PCNT: variants seen among roughly 807,000 people sequenced by gnomAD.
PCNT encodes the protein kendrin.
PCNT carries 319 observed loss-of-function variants against 380.4 expected under a neutral mutation model. The ratio of observed to expected loss-of-function variants is 0.84; its 90% CI spans 0.77 to 0.92. PCNT has a LOEUF of 0.92. PCNT is among the 40% of genes least tolerant of loss of function. The pLI, the probability that PCNT is intolerant of heterozygous loss-of-function variation, is 0.00. For missense variants in PCNT, 4,400 were observed against 4,255.3 expected (o/e 1.03, Z -0.95); for synonymous variants, 1,845 against 1,735.2 (o/e 1.06, Z -1.57).
intron 13 of PCNT, 26 bp from the exon 14 acceptor site, chr21:46,363,454 C>A: frequency 6.3e-7 from 1 of 1,581,540 alleles, no homozygotes; most frequent in South Asian, 1.1e-5. Context: ...CGTCTTTCCT[C>A]CTAAATGAAA....
Position 46,355,693 on chromosome 21 carries a change from T to G in PCNT, c.1936+67T>G, listed in dbSNP as rs569335919. 6 of 1,533,144 alleles carry G rather than the reference T, an allele frequency of 3.9e-6. No homozygotes were observed. In the African/African-American group the frequency reaches 6.8e-5, roughly 17 times the overall value. The allele number at this position is 1,533,144 out of a possible 1,614,324, so 95.0% of individuals were successfully genotyped here. ...GTCTGGGGGACGTTCTCGGGGAGCC[T>G]GGGTGCCTGGGTTCGATCCAAGTCC... On this transcript the variant is annotated intron_variant, in intron 12 of 46. Coordinates refer to ENST00000359568, the MANE Select transcript of PCNT (RefSeq NM_006031.6).
intron 33 of PCNT, 134 bp downstream of exon 33, chr21:46,426,105 G>A: frequency 1.3e-6 from 1 of 790,330 alleles, no homozygotes; most frequent in East Asian, 2.8e-5. Flanking sequence ...TTGAGACTCG[G>A]CTCACTGCAA....
Position 46,351,548 on chromosome 21 carries a change from AT to A in PCNT, c.1456+10del. On this transcript the variant is annotated intron_variant, in intron 9 of 46. Transcript: ENST00000359568. ...GTAGACAGGAATTGAGTGGTGAGGA[AT>A]TGTATTGGAAAATTCAGATCCTCAA... The A allele has an allele frequency of 6.7e-7, 1 of 1,485,946 alleles. No homozygotes were observed. Among genetic ancestry groups the A allele is most frequent in the Non-Finnish European group, 9.4e-7 (1 of 1,063,228 alleles). The allele number at this position is 1,485,946 out of a possible 1,614,324, so 92.0% of individuals were successfully genotyped here.
intron 16 of PCNT, among the ~76,000 whole-genome samples, chr21:46,384,570 A>T (rs1282252141): frequency 7.2e-6 from 1 of 139,706 alleles, no homozygotes; most frequent in African/African-American, 2.7e-5. Flanking sequence ...GGTGTTGTGC[A>T]TTCAGTGGTG....
rs1244294420 is a variant in PCNT, at chr21:46,341,943, C to CTT, written c.640-4184_640-4183dup. ...ATGCTCCTGCTTTACATGCTTTTTACTTATTTTTTTTTTTTTGAGATGGAG... is the reference window on the plus strand; with the variant it reads ...ATGCTCCTGCTTTACATGCTTTTTACTTTTATTTTTTTTTTTTTGAGATGGAG... On this transcript the variant is annotated intron_variant, in intron 3 of 46. Transcript: ENST00000359568. Among the ~76,000 whole-genome samples the CTT allele has an allele frequency of 5.1e-5, 3 of 58,588 alleles. No homozygotes were observed. In the East Asian group the frequency reaches 1.6e-3, roughly 32 times the overall value. The allele number at this position is 58,588 out of a possible 152,430, so 38.4% of individuals were successfully genotyped here. A position where few individuals can be genotyped will look rare whatever the true frequency, so the allele number is the denominator to read the frequency against.
intron 21 of PCNT, among the ~76,000 whole-genome samples, chr21:46,392,558 C>T (rs1221054206): frequency 1.3e-5 from 2 of 152,224 alleles, no homozygotes; most frequent in Non-Finnish European, 2.9e-5. Context: ...TTGGGTTGGA[C>T]GCTTTTGGAC....
In PCNT at chr21:46,402,415, T is replaced by A. The variant is rs145305649; in HGVS notation, c.5047T>A (p.Leu1683Met). The A allele has an allele frequency of 3.1e-6, 5 of 1,613,740 alleles. No homozygotes were observed. Among genetic ancestry groups the A allele is most frequent in the Non-Finnish European group, 3.4e-6 (4 of 1,179,792 alleles). The change falls in exon 27 of 47, where the codon TTG becomes ATG. Residue 1683 changes from leucine to methionine, a missense_variant. Coordinates refer to ENST00000359568, the MANE Select transcript of PCNT (RefSeq NM_006031.6). ...AGAAATACTACATCTGAACTTAAAA[T>A]TGGACATGCAGAACAGCCAGACTGC... ...NEEILHLNLK[L>M]DMQNSQTAVS...
chr21:46,431,297 T>C, intron 37 of PCNT: 1 of 1,398,354 alleles, frequency 7.2e-7, no homozygotes, highest in Non-Finnish European at 9.3e-7. Flanking sequence ...GGAACATCTC[T>C]GAACCCAGGA....
At chr21:46,368,749 G>A (rs116492494) in intron 15 of PCNT, among the ~76,000 whole-genome samples, 186 of 152,368 alleles carry the variant, frequency 1.2e-3, no homozygotes, top group African/African-American at 4.4e-3. Context: ...CTGGCTGCAC[G>A]GTGGATGGGG....
chr21:46,381,978 G>A (rs1256877507), intron 16 of PCNT, 138 bp downstream of exon 16: 1 of 863,458 alleles, frequency 1.2e-6, no homozygotes, highest in African/African-American at 1.7e-5. Context: ...TTCAGTGGCG[G>A]AAGCGCATTC....
chr21:46,421,851 A>G (rs2087264585), intron 31 of PCNT, 119 bp from the exon 32 acceptor site: 1 of 1,089,894 alleles, frequency 9.2e-7, no homozygotes, highest in Non-Finnish European at 1.4e-6. Context: ...GAGCAGAATC[A>G]CGGTGTGGTT....
intron 3 of PCNT, among the ~76,000 whole-genome samples, chr21:46,345,679 A>T (rs2146534506): frequency 6.6e-6 from 1 of 152,330 alleles, no homozygotes; most frequent in East Asian, 1.9e-4. Context: ...CACCATCTCC[A>T]GTGGCTCCAG....
At chr21:46,344,892 G>A (rs2146523422) in intron 3 of PCNT, among the ~76,000 whole-genome samples, 1 of 152,340 alleles carries the variant, frequency 6.6e-6, no homozygotes, top group East Asian at 1.9e-4. Flanking sequence ...TGCCAAAATG[G>A]CTGCTGAGAA....
intron 15 of PCNT, among the ~76,000 whole-genome samples, chr21:46,368,111 T>A (rs1469738846): frequency 6.6e-6 from 1 of 152,026 alleles, no homozygotes; most frequent in Non-Finnish European, 1.5e-5. Context: ...GAGCTAAGAC[T>A]GTGCCACTGC....
intron 25 of PCNT, among the ~76,000 whole-genome samples, chr21:46,401,226 T>G (rs1395709054): frequency 6.6e-6 from 1 of 152,256 alleles, no homozygotes; most frequent in Non-Finnish European, 1.5e-5. Context: ...CCATCAGCCA[T>G]TGCCCTATTT....
At chr21:46,430,890 G>A (rs948868329) in intron 37 of PCNT, 4 of 984,948 alleles carry the variant, frequency 4.1e-6, no homozygotes, top group Non-Finnish European at 4.8e-6. Context: ...ACCCCTGCTC[G>A]GAGCCCCCCC....
chr21:46,372,837 C>T (rs747436960), intron 15 of PCNT, among the ~76,000 whole-genome samples: 2 of 152,172 alleles, frequency 1.3e-5, no homozygotes, highest in Non-Finnish European at 2.9e-5. Context: ...GAGACCTGCA[C>T]CCTGCTGGGT....
chr21:46,375,191 C>T (rs568356047), intron 15 of PCNT, among the ~76,000 whole-genome samples: 1 of 152,166 alleles, frequency 6.6e-6, no homozygotes, highest in African/African-American at 2.4e-5. Flanking sequence ...GCTGGTAACA[C>T]GACGCAGAGC....
In PCNT at chr21:46,397,404, G is replaced by T. The variant is rs776946965; in HGVS notation, c.4356G>T (p.Gly1452=). The T allele has an allele frequency of 3.4e-5, 55 of 1,614,200 alleles. No homozygotes were observed. The highest frequency in any genetic ancestry group is 4.6e-5 in the Non-Finnish European group (54 of 1,180,032). ...ELEEQLSQHR[G]CAKQAEAVTA... ...AAGAACAGCTGTCTCAGCATCGCGG[G>T]TGTGCCAAGCAGGCGGAGGCCGTCA... The change falls in exon 22 of 47, where the codon GGG becomes GGT. Residue 1452 remains glycine (G), a synonymous_variant. Transcript: ENST00000359568.
Sources: gnomAD v4.1 joint callset for allele counts (sites outside exome capture counted in the v4.1 genomes callset) on GRCh38, gnomAD v4.1.1 for gene constraint, MANE v1.5 for transcripts, NCBI Gene and HGNC (gene_info 2026-07-23, HGNC 2026-07-21) for gene names.